Variants in TERF2IP observed in about 807,000 individuals in gnomAD.
TERF2IP encodes telomeric repeat-binding factor 2-interacting protein 1.
Under a neutral mutation model 33.3 loss-of-function variants are expected in TERF2IP, and 35 were observed. The observed-to-expected ratio is 1.05, with a 90% CI of 0.80 to 1.39. The LOEUF (loss-of-function observed/expected upper bound fraction) is 1.39. Among genes scored for constraint, TERF2IP ranks in the 40% most tolerant of loss-of-function variants. The probability of loss-of-function intolerance (pLI) is 0.00; values close to 1 mark genes in which losing one functional copy is unlikely to be tolerated. For missense variants in TERF2IP, 583 were observed against 524.8 expected, an observed-to-expected ratio of 1.11 and a Z score of -1.08; for synonymous variants, 253 against 223.2, an observed-to-expected ratio of 1.13 and a Z score of -1.19.
At chr16:75,650,835 G>A (rs935476180) in intron 1 of TERF2IP, among the ~76,000 whole-genome samples, 5 of 152,172 alleles carry the variant, frequency 3.3e-5, no homozygotes, top group Non-Finnish European at 5.9e-5. Flanking sequence ...ACCATGCTGT[G>A]TCTGGGACTT....
At position 75,656,845 on chromosome 16, in the gene TERF2IP, T is replaced by C. The variant is rs911444238; in HGVS notation, c.*234T>C. 4.0e-6 allele frequency: 2 copies of C among 505,726 alleles called. No homozygotes were observed. Among genetic ancestry groups the C allele is most frequent in the Non-Finnish European group, 7.0e-6 (2 of 287,130 alleles). The allele number at this position is 505,726 out of a possible 1,614,324, so 31.3% of individuals were successfully genotyped here. On this transcript the variant is annotated 3_prime_UTR_variant, in exon 3 of 3. Coordinates refer to ENST00000300086, the MANE Select transcript of TERF2IP (RefSeq NM_018975.4). ...GTCCTTGAACAAGTATCAATGTGTT[T>C]ATGAAAGGAAGATCTAAATCAGACA...
intron 1 of TERF2IP, among the ~76,000 whole-genome samples, chr16:75,652,741 G>C (rs1194417216): frequency 6.6e-6 from 1 of 152,110 alleles, no homozygotes; most frequent in Non-Finnish European, 1.5e-5. Flanking sequence ...TTACAGTTCA[G>C]ATAGTTTTTT....
At position 75,654,234 on chromosome 16, in the gene TERF2IP, G is replaced by C. The variant is rs372525697; in HGVS notation, c.671-39G>C. ...AAATATATTTTTGGTTTATGTAAAA[G>C]AGGCTATTGCTAATCTGTGCTGTTC... On this transcript the variant is annotated intron_variant, in intron 1 of 2. Transcript: ENST00000300086. The C allele has an allele frequency of 9.6e-5, 145 of 1,511,116 alleles. 1 individual carries two copies. Among genetic ancestry groups the C allele is most frequent in the Non-Finnish European group, 1.1e-4 (128 of 1,118,250 alleles). The allele number at this position is 1,511,116 out of a possible 1,614,324, so 93.6% of individuals were successfully genotyped here. A position where few individuals can be genotyped will look rare whatever the true frequency, so the allele number is the denominator to read the frequency against.
chr16:75,648,749 G>A (rs1241497528), intron 1 of TERF2IP, 197 bp downstream of exon 1: 2 of 1,405,296 alleles, frequency 1.4e-6, no homozygotes, highest in Non-Finnish European at 1.9e-6. Flanking sequence ...TTTTTGCGAT[G>A]GGTCTCTGTT....
Position 75,656,380 on chromosome 16 carries a change from G to A in TERF2IP, c.969G>A (p.Glu323=), listed in dbSNP as rs1567511327. 6.2e-7 allele frequency: 1 copy of A among 1,614,200 alleles called. No individual in the cohort carries two copies. Residue 323 remains glutamate, a synonymous_variant, in exon 3 of 3, where the codon GAG becomes GAA. Coordinates refer to ENST00000300086, the MANE Select transcript of TERF2IP (RefSeq NM_018975.4). The part of the protein sequence containing the change: ...AAIKIIRQLM[E]KFNLDLSTVT... ...TTAAGATCATTCGGCAGTTAATGGAGAAGTTTAACTTGGATCTATCAACAG... is the reference window on the plus strand; with the variant it reads ...TTAAGATCATTCGGCAGTTAATGGAAAAGTTTAACTTGGATCTATCAACAG...
intron 1 of TERF2IP, 100 bp from the exon 2 acceptor site, chr16:75,654,173 A>AAT: frequency 8.4e-6 from 6 of 716,326 alleles, no homozygotes; most frequent in Non-Finnish European, 1.2e-5. Context: ...AAAAAAAAAA[A>AAT]GTGCAGGCTC....
At chr16:75,649,083 T>A (rs1181766049) in intron 1 of TERF2IP, among the ~76,000 whole-genome samples, 1 of 145,360 alleles carries the variant, frequency 6.9e-6, no homozygotes, top group Non-Finnish European at 1.5e-5. Flanking sequence ...CCCTGACAGG[T>A]CTCGAACTCT....
At chr16:75,653,651 C>A (rs1395425253) in intron 1 of TERF2IP, among the ~76,000 whole-genome samples, 1 of 152,152 alleles carries the variant, frequency 6.6e-6, no homozygotes, top group Non-Finnish European at 1.5e-5. Context: ...CCTTTGGCTG[C>A]TAGGAGAGCT....
intron 1 of TERF2IP, among the ~76,000 whole-genome samples, chr16:75,650,865 T>G (rs893546615): frequency 3.3e-5 from 5 of 152,178 alleles, no homozygotes; most frequent in Admixed American, 6.5e-5. Flanking sequence ...TCCGTGATGT[T>G]GGGGCTATTG....
At chr16:75,651,815 T>C (rs1414842257) in intron 1 of TERF2IP, among the ~76,000 whole-genome samples, 1 of 152,194 alleles carries the variant, frequency 6.6e-6, no homozygotes, top group Non-Finnish European at 1.5e-5. Flanking sequence ...TTGTATTTAT[T>C]TGATGAATTG....
In TERF2IP at chr16:75,649,426, C is replaced by G. The variant is rs142714990; in HGVS notation, c.670+874C>G. Among the ~76,000 whole-genome samples the G allele has an allele frequency of 4.2e-3, 634 of 152,110 alleles. 3 individuals are homozygous for G. The highest frequency in any genetic ancestry group is 0.019 in the South Asian group (92 of 4,802). On this transcript the variant is annotated intron_variant, in intron 1 of 2. Coordinates refer to ENST00000300086, the MANE Select transcript of TERF2IP (RefSeq NM_018975.4). ...GGCCGTGGCGGAGAGTTCCTGTAGT[C>G]CCAGCTACTCAGGAGGCTGAGGCAG...
In TERF2IP at chr16:75,654,315, A is replaced by G. The variant is rs1206118721; in HGVS notation, c.713A>G (p.Tyr238Cys). The change falls in exon 2 of 3, where the codon TAT (tyrosine) becomes TGT (cysteine). Residue 238 changes from tyrosine to cysteine, a missense_variant. Tyr to Cys is a radical substitution (Grantham distance 194). Coordinates refer to ENST00000300086, the MANE Select transcript of TERF2IP (RefSeq NM_018975.4). ...KRTPDLPEEE[Y>C]VKEEIQENEE... ...ACTCCAGATTTGCCTGAAGAAGAGT[A>G]TGTGAAGGAAGAAATCCAGGAGAAT... The G allele has an allele frequency of 1.2e-6, 2 of 1,614,042 alleles. No individual in the cohort carries two copies. Among genetic ancestry groups the G allele is most frequent in the East Asian group, 2.2e-5 (1 of 44,874 alleles).
At chr16:75,651,688 C>T (rs2082348299) in intron 1 of TERF2IP, among the ~76,000 whole-genome samples, 1 of 151,748 alleles carries the variant, frequency 6.6e-6, no homozygotes, top group South Asian at 2.1e-4. Flanking sequence ...GACTCCATCT[C>T]GGAAAGAAAA....
chr16:75,649,339 A>T (rs1379401439), intron 1 of TERF2IP, among the ~76,000 whole-genome samples: 4 of 152,240 alleles, frequency 2.6e-5, no homozygotes, highest in Non-Finnish European at 5.9e-5. Flanking sequence ...AGGTAAGGAG[A>T]TCGAGACGAG....
intron 1 of TERF2IP, among the ~76,000 whole-genome samples, chr16:75,651,773 G>A (rs1597186985): frequency 6.6e-6 from 1 of 152,162 alleles, no homozygotes; most frequent in South Asian, 2.1e-4. Context: ...CATGAGACCT[G>A]TGAGATAATA....
intron 1 of TERF2IP, 151 bp downstream of exon 1, chr16:75,648,703 T>G: frequency 2.1e-6 from 3 of 1,432,502 alleles, no homozygotes; most frequent in African/African-American, 2.9e-5. Context: ...ACCATTTTCT[T>G]GCCTTCTCGC....
Position 75,648,548 on chromosome 16 carries a change from C to CG in TERF2IP, c.670+1dup. ...AGGAGGACCCGGAGGCCGCGGATAGCGGGGGTGAGGAGGCTGAGCGCGGGG... is the reference window on the plus strand; with the variant it reads ...AGGAGGACCCGGAGGCCGCGGATAGCGGGGGGTGAGGAGGCTGAGCGCGGGG... On this transcript the variant is annotated frameshift_variant, in exon 1 of 3. Transcript: ENST00000300086. LOFTEE classifies it high-confidence loss of function. 1 of 1,553,498 alleles carries CG rather than the reference C, an allele frequency of 6.4e-7. No individual in the cohort carries two copies. The highest frequency in any genetic ancestry group is 8.7e-7 in the Non-Finnish European group (1 of 1,146,364).
chr16:75,655,968 C>G (rs922125249), intron 2 of TERF2IP, among the ~76,000 whole-genome samples: 1 of 152,094 alleles, frequency 6.6e-6, no homozygotes, highest in Non-Finnish European at 1.5e-5. Flanking sequence ...CACATATACT[C>G]CCCCTACCCC....
chr16:75,654,312 A>T lies in TERF2IP; in HGVS notation c.710A>T (p.Glu237Val). ...AGAACTCCAGATTTGCCTGAAGAAG[A>T]GTATGTGAAGGAAGAAATCCAGGAG... ...NKRTPDLPEE[E>V]YVKEEIQENE... The change falls in exon 2 of 3, where the codon GAG (glutamate) becomes GTG (valine). Residue 237 changes from glutamate (E) to valine (V), a missense_variant. Glu to Val is a moderately radical substitution (Grantham distance 121). Transcript: ENST00000300086. 1.2e-6 allele frequency: 2 copies of T among 1,613,944 alleles called. No individual in the cohort carries two copies. Among genetic ancestry groups the T allele is most frequent in the Non-Finnish European group, 8.5e-7 (1 of 1,179,886 alleles).
Sources: gnomAD v4.1 joint callset for allele counts (sites outside exome capture counted in the v4.1 genomes callset) on GRCh38, gnomAD v4.1.1 for gene constraint, MANE v1.5 for transcripts, NCBI Gene and HGNC (gene_info 2026-07-23, HGNC 2026-07-21) for gene names.